The following DMRT1 variants were observed in gnomAD, a reference collection of about 807,000 sequenced individuals.
DMRT1 encodes the protein doublesex- and mab-3-related transcription factor 1.
In DMRT1, 7 loss-of-function variants were observed where a neutral mutation model predicts 32.3. The ratio of observed to expected loss-of-function variants is 0.22; its 90% CI spans 0.12 to 0.41. The LOEUF (loss-of-function observed/expected upper bound fraction) is 0.41, where lower values mean the gene tolerates loss of function less well. Among genes scored for constraint, DMRT1 ranks in the 10% least tolerant of loss-of-function variants. The pLI is 1.00. For missense variants in DMRT1, 625 were observed against 500.5 expected (o/e 1.25, Z -2.37); for synonymous variants, 278 against 206.1 (o/e 1.35, Z -2.99).
intron 4 of DMRT1, among the ~76,000 whole-genome samples, chr9:946,168 C>T (rs900244800): frequency 1.3e-5 from 2 of 151,242 alleles, no homozygotes; most frequent in Admixed American, 1.3e-4. Context: ...ACAAATGCTG[C>T]CCTCTCCTTG....
intron 4 of DMRT1, among the ~76,000 whole-genome samples, chr9:926,982 C>T (rs1442089003): frequency 6.6e-6 from 1 of 152,206 alleles, no homozygotes; most frequent in Non-Finnish European, 1.5e-5. Flanking sequence ...TGACGTCTGT[C>T]TGTTGGGCCC....
chr9:861,984 G>A (rs943089864), intron 2 of DMRT1, among the ~76,000 whole-genome samples: 29 of 150,932 alleles, frequency 1.9e-4, no homozygotes, highest in African/African-American at 6.6e-4. Context: ...TAGACGGGAT[G>A]ACGGCCGGGA....
intron 2 of DMRT1, among the ~76,000 whole-genome samples, chr9:871,932 A>G (rs973515983): frequency 6.6e-6 from 1 of 151,274 alleles, no homozygotes; most frequent in Non-Finnish European, 1.5e-5. Context: ...TTCTTGTTAT[A>G]TTTTCTTCAT....
At chr9:881,643 G>A (rs1816740207) in intron 2 of DMRT1, among the ~76,000 whole-genome samples, 1 of 152,182 alleles carries the variant, frequency 6.6e-6, no homozygotes. Flanking sequence ...CTTTTCTGTG[G>A]AGACCTAAAT....
At chr9:902,851 T>C (rs1817641615) in intron 3 of DMRT1, among the ~76,000 whole-genome samples, 1 of 152,022 alleles carries the variant, frequency 6.6e-6, no homozygotes, top group Admixed American at 6.6e-5. Context: ...TTTGAGGAAT[T>C]CATTCACAGG....
intron 3 of DMRT1, 96 bp downstream of exon 3, chr9:894,291 G>T: frequency 7.2e-7 from 1 of 1,382,744 alleles, no homozygotes; most frequent in South Asian, 1.2e-5. Flanking sequence ...ACACGCACTT[G>T]TGCGCCCAGA....
chr9:944,152 A>C (rs1159918785), intron 4 of DMRT1, among the ~76,000 whole-genome samples: 8 of 152,220 alleles, frequency 5.3e-5, no homozygotes, highest in Non-Finnish European at 1.2e-4. Context: ...GAGTAAGTGA[A>C]ATAGTGTTTC....
At chr9:948,624 GA>G (rs1394255653) in intron 4 of DMRT1, among the ~76,000 whole-genome samples, 1 of 152,056 alleles carries the variant, frequency 6.6e-6, no homozygotes, top group Non-Finnish European at 1.5e-5. Context: ...TGATTTAAAA[GA>G]AAACCTGGAA....
intron 4 of DMRT1, among the ~76,000 whole-genome samples, chr9:949,474 G>C (rs1465120035): frequency 3.9e-5 from 6 of 152,150 alleles, no homozygotes; most frequent in Admixed American, 6.5e-5. Flanking sequence ...TTGGAGATAA[G>C]TATACACCCG....
At chr9:956,798 C>G (rs1434303507) in intron 4 of DMRT1, among the ~76,000 whole-genome samples, 2 of 152,170 alleles carry the variant, frequency 1.3e-5, no homozygotes, top group East Asian at 1.9e-4. Flanking sequence ...GAGCCTCGCT[C>G]TCTTGACCCA....
At chr9:924,222 C>T (rs1818450068) in intron 4 of DMRT1, among the ~76,000 whole-genome samples, 2 of 152,020 alleles carry the variant, frequency 1.3e-5, no homozygotes, top group South Asian at 4.2e-4. Flanking sequence ...CAGGGGTGCA[C>T]CACCACACCC....
At chr9:949,082 G>A (rs1429860790) in intron 4 of DMRT1, among the ~76,000 whole-genome samples, 4 of 151,906 alleles carry the variant, frequency 2.6e-5, no homozygotes, top group Non-Finnish European at 5.9e-5. Flanking sequence ...AACAGAGTGA[G>A]ACTCCATCTT....
intron 4 of DMRT1, among the ~76,000 whole-genome samples, chr9:929,433 A>G (rs1818635293): frequency 6.6e-6 from 1 of 152,144 alleles, no homozygotes; most frequent in Non-Finnish European, 1.5e-5. Flanking sequence ...CAAGAGGGCA[A>G]TGCTAATCAT....
intron 4 of DMRT1, among the ~76,000 whole-genome samples, chr9:949,487 A>G (rs1819360861): frequency 6.6e-6 from 1 of 152,224 alleles, no homozygotes; most frequent in Non-Finnish European, 1.5e-5. Flanking sequence ...TACACCCGTG[A>G]CACGATCACC....
intron 2 of DMRT1, among the ~76,000 whole-genome samples, chr9:893,305 G>GT (rs1817224187): frequency 6.6e-6 from 1 of 152,230 alleles, no homozygotes; most frequent in Non-Finnish European, 1.5e-5. Context: ...CCCACTGCCT[G>GT]TTTTTATAAA....
At chr9:961,584 G>A (rs1455620318) in intron 4 of DMRT1, among the ~76,000 whole-genome samples, 1 of 152,192 alleles carries the variant, frequency 6.6e-6, no homozygotes, top group Non-Finnish European at 1.5e-5. Flanking sequence ...CAAAAAGATT[G>A]AAAAAGGCAG....
intron 2 of DMRT1, among the ~76,000 whole-genome samples, chr9:851,624 G>T (rs929768292): frequency 6.6e-6 from 1 of 152,172 alleles, no homozygotes; most frequent in African/African-American, 2.4e-5. Context: ...AAATGCTCAA[G>T]AATTATTGCC....
At chr9:851,103 T>C (rs1839131258) in intron 2 of DMRT1, among the ~76,000 whole-genome samples, 1 of 151,472 alleles carries the variant, frequency 6.6e-6, no homozygotes, top group Non-Finnish European at 1.5e-5. Flanking sequence ...GAGGTGAAAG[T>C]TGTAGGAGTT....
At chr9:912,684 G>A (rs1341747375) in intron 3 of DMRT1, among the ~76,000 whole-genome samples, 1 of 152,052 alleles carries the variant, frequency 6.6e-6, no homozygotes, top group Non-Finnish European at 1.5e-5. Context: ...GTCAGATTTA[G>A]CCTGTTTTAG....
Sources: gnomAD v4.1 joint callset for allele counts (sites outside exome capture counted in the v4.1 genomes callset) on GRCh38, gnomAD v4.1.1 for gene constraint, MANE v1.5 for transcripts, NCBI Gene and HGNC (gene_info 2026-07-23, HGNC 2026-07-21) for gene names.